Variants in ZNF804A observed in about 807,000 individuals in gnomAD.
ZNF804A encodes zinc finger protein 804A.
In ZNF804A, 2 loss-of-function variants were observed where a neutral mutation model predicts 16.5. That is an observed-to-expected ratio of 0.12 (90% CI 0.05 to 0.38). The LOEUF is 0.38. Ranked by LOEUF, ZNF804A falls within the 10% of genes least tolerant of loss-of-function variation. The pLI, the probability that ZNF804A is intolerant of heterozygous loss-of-function variation, is 0.99. For synonymous variants in ZNF804A, 534 were observed against 489.6 expected, an observed-to-expected ratio of 1.09 and a Z score of -1.20; for missense variants, 1,473 against 1,390.7, an observed-to-expected ratio of 1.06 and a Z score of -0.94.
At chr2:184,880,970 T>A (rs2105817705) in intron 2 of ZNF804A, among the ~76,000 whole-genome samples, 1 of 152,206 alleles carries the variant, frequency 6.6e-6, no homozygotes, top group South Asian at 2.1e-4. Context: ...ATGAAGATCA[T>A]CGACATTCAG....
chr2:184,728,225 A>G (rs1693448857), intron 1 of ZNF804A, among the ~76,000 whole-genome samples: 1 of 151,848 alleles, frequency 6.6e-6, no homozygotes, highest in Admixed American at 6.6e-5. Context: ...ATATTTCTGA[A>G]TTCCGAATAT....
At chr2:184,743,925 T>C (rs1574191109) in intron 1 of ZNF804A, among the ~76,000 whole-genome samples, 1 of 151,934 alleles carries the variant, frequency 6.6e-6, no homozygotes, top group East Asian at 1.9e-4. Flanking sequence ...TAAGAAGTAA[T>C]TAGCTGCCTA....
At chr2:184,829,989 C>T (rs1442512011) in intron 1 of ZNF804A, among the ~76,000 whole-genome samples, 1 of 147,250 alleles carries the variant, frequency 6.8e-6, no homozygotes, top group African/African-American at 2.5e-5. Flanking sequence ...TACCTGTGGT[C>T]CCAACTACTG....
intron 1 of ZNF804A, among the ~76,000 whole-genome samples, chr2:184,830,110 C>CCACACACA (rs151005970): frequency 7.1e-6 from 1 of 141,568 alleles, no homozygotes; most frequent in East Asian, 2.1e-4. Context: ...ACACACCCAC[C>CCACACACA]CACACACACA....
intron 1 of ZNF804A, among the ~76,000 whole-genome samples, chr2:184,848,959 T>C (rs975541227): frequency 1.3e-5 from 2 of 151,740 alleles, no homozygotes; most frequent in Non-Finnish European, 2.9e-5. Flanking sequence ...GATAATTTAT[T>C]TGAGAAGTGA....
At chr2:184,697,393 G>T (rs1395668696) in intron 1 of ZNF804A, among the ~76,000 whole-genome samples, 3 of 152,010 alleles carry the variant, frequency 2.0e-5, no homozygotes, top group African/African-American at 7.2e-5. Context: ...GAATCCAAAT[G>T]AATAGGTGAG....
rs142034505 is a variant in ZNF804A at position 184,938,433 on chromosome 2, A to T, written c.3037A>T (p.Ser1013Cys). The T allele has an allele frequency of 4.8e-4, 779 of 1,614,108 alleles. 5 individuals are homozygous for T. The African/African-American group carries it at 9.4e-3, about 19-fold the overall frequency. The change falls in exon 4 of 4, where the codon AGT (serine) becomes TGT (cysteine). Residue 1013 changes from serine to cysteine, a missense_variant. By Grantham distance (112) the Ser-to-Cys change is moderately radical. Transcript: ENST00000302277. The part of the protein sequence containing the change: ...PPLPFKEAHV[S>C]GHTFVTAEQI... Reference sequence around the variant, plus strand: ...ATTACCATTCAAAGAAGCACATGTCAGTGGTCATACTTTTGTAACAGCTGA... The same window carrying T: ...ATTACCATTCAAAGAAGCACATGTCTGTGGTCATACTTTTGTAACAGCTGA...
intron 1 of ZNF804A, among the ~76,000 whole-genome samples, chr2:184,604,070 C>A (rs1485676698): frequency 1.4e-5 from 2 of 144,672 alleles, no homozygotes; most frequent in Non-Finnish European, 3.0e-5. Flanking sequence ...TAGATAGCTG[C>A]AATTTGAATA....
chr2:184,904,732 A>T (rs1453265780), intron 2 of ZNF804A, among the ~76,000 whole-genome samples: 1 of 152,018 alleles, frequency 6.6e-6, no homozygotes, highest in Non-Finnish European at 1.5e-5. Context: ...TTATATAATC[A>T]AGAGAGAGGG....
chr2:184,647,572 A>C (rs951319868), intron 1 of ZNF804A, among the ~76,000 whole-genome samples: 2 of 152,074 alleles, frequency 1.3e-5, no homozygotes, highest in Admixed American at 1.3e-4. Flanking sequence ...GAATTGAAAA[A>C]CTCACTTAAG....
At chr2:184,741,034 G>A (rs970318419) in intron 1 of ZNF804A, among the ~76,000 whole-genome samples, 1 of 152,100 alleles carries the variant, frequency 6.6e-6, no homozygotes, top group Non-Finnish European at 1.5e-5. Flanking sequence ...TGCAAATTTA[G>A]GGAGTAATCT....
chr2:184,794,386 A>C (rs1019189023), intron 1 of ZNF804A, among the ~76,000 whole-genome samples: 2 of 151,820 alleles, frequency 1.3e-5, no homozygotes, highest in Non-Finnish European at 2.9e-5. Flanking sequence ...ATGATTGTCT[A>C]TTCATGTCCT....
At chr2:184,892,257 G>T (rs1684996332) in intron 2 of ZNF804A, among the ~76,000 whole-genome samples, 1 of 152,020 alleles carries the variant, frequency 6.6e-6, no homozygotes, top group Admixed American at 6.6e-5. Context: ...TAAATATTTG[G>T]TGAGAAAAGT....
intron 1 of ZNF804A, among the ~76,000 whole-genome samples, chr2:184,647,110 G>T (rs1691890053): frequency 1.3e-5 from 2 of 152,156 alleles, no homozygotes; most frequent in African/African-American, 4.8e-5. Context: ...CTAAAGAAAT[G>T]CATAGGTTTA....
intron 1 of ZNF804A, among the ~76,000 whole-genome samples, chr2:184,640,444 C>T (rs963870101): frequency 6.6e-6 from 1 of 151,714 alleles, no homozygotes; most frequent in Non-Finnish European, 1.5e-5. Flanking sequence ...CCAATCAATA[C>T]TATATAATTT....
chr2:184,865,250 G>A (rs571221127), intron 1 of ZNF804A, among the ~76,000 whole-genome samples: 1 of 151,992 alleles, frequency 6.6e-6, no homozygotes, highest in African/African-American at 2.4e-5. Context: ...TTACAGTGAG[G>A]TCTGAAGTTT....
intron 1 of ZNF804A, among the ~76,000 whole-genome samples, chr2:184,636,389 G>C (rs1195933098): frequency 6.8e-6 from 1 of 147,430 alleles, no homozygotes; most frequent in East Asian, 2.0e-4. Context: ...AGGTGCTTGG[G>C]CTAGGACAAA....
chr2:184,719,369 A>G (rs1007270754), intron 1 of ZNF804A, among the ~76,000 whole-genome samples: 1 of 151,856 alleles, frequency 6.6e-6, no homozygotes, highest in African/African-American at 2.4e-5. Context: ...ACATTTTCCC[A>G]TTGTCTTGGG....
At chr2:184,856,832 C>A (rs1156283283) in intron 1 of ZNF804A, among the ~76,000 whole-genome samples, 1 of 152,086 alleles carries the variant, frequency 6.6e-6, no homozygotes, top group African/African-American at 2.4e-5. Flanking sequence ...TATGTACATG[C>A]ACATATTCCA....
Sources: allele counts gnomAD v4.1 joint callset (sites outside exome capture counted in the v4.1 genomes callset), GRCh38; gene constraint gnomAD v4.1.1; transcripts MANE v1.5; gene names NCBI Gene and HGNC (gene_info 2026-07-23, HGNC 2026-07-21).